The following ASPRV1 variants were observed in gnomAD, a reference collection of about 807,000 sequenced individuals.
The protein encoded by ASPRV1 is aspartic peptidase retroviral like 1.
ASPRV1 carries 7 observed loss-of-function variants against 11.0 expected under a neutral mutation model. The ratio of observed to expected loss-of-function variants is 0.64; its 90% confidence interval spans 0.36 to 1.20. The LOEUF is 1.20. Ranked by LOEUF, ASPRV1 falls within the 50% of genes most tolerant of loss-of-function variation. The probability of loss-of-function intolerance (pLI) is 0.02; values close to 1 mark genes in which losing one functional copy is unlikely to be tolerated. For missense variants in ASPRV1, 299 were observed against 320.0 expected (o/e 0.93, Z 0.50); for synonymous variants, 136 against 138.4 (o/e 0.98, Z 0.12).
the ASPRV1 span, chr2:69,943,010 T>A: frequency 6.6e-6 from 1 of 152,220 alleles, no homozygotes; most frequent in African/African-American, 2.4e-5. Context: ...CAGAACTGCG[T>A]TCATCAGATT....
the ASPRV1 span, among the ~76,000 whole-genome samples, chr2:70,068,592 A>C: frequency 1.3e-5 from 2 of 151,962 alleles, no homozygotes; most frequent in African/African-American, 4.8e-5. Context: ...AATAGAAAGG[A>C]GGTAAGGAAG....
At chr2:69,938,411 T>C in the ASPRV1 span, 7 of 929,608 alleles carry the variant, frequency 7.5e-6, no homozygotes, top group African/African-American at 1.2e-4. Context: ...AAAATCAGCT[T>C]TGTAACTGTT....
At chr2:69,947,598 C>A in the ASPRV1 span, among the ~76,000 whole-genome samples, 1 of 152,048 alleles carries the variant, frequency 6.6e-6, no homozygotes, top group African/African-American at 2.4e-5. Context: ...AAGTTACTTC[C>A]GATCCACCTT....
the ASPRV1 span, among the ~76,000 whole-genome samples, chr2:70,040,180 A>G: frequency 6.6e-6 from 1 of 152,184 alleles, no homozygotes; most frequent in African/African-American, 2.4e-5. Flanking sequence ...ACCAATAAAT[A>G]TAGATGGCAT....
At chr2:69,955,460 C>T (rs1015025481), downstream of ASPRV1, among the ~76,000 whole-genome samples, 7 of 152,242 alleles carry the variant, frequency 4.6e-5, no homozygotes, top group African/African-American at 1.7e-4. Flanking sequence ...CAATGGCCAC[C>T]CACACCTGGC....
the ASPRV1 span, among the ~76,000 whole-genome samples, chr2:69,994,656 T>A: frequency 1.9e-4 from 29 of 152,162 alleles, no homozygotes; most frequent in South Asian, 5.8e-3. Context: ...TGCTACTGGG[T>A]CATGAAATCA....
the ASPRV1 span, among the ~76,000 whole-genome samples, chr2:69,968,073 C>T: frequency 5.3e-5 from 8 of 151,894 alleles, no homozygotes; most frequent in African/African-American, 1.9e-4. Context: ...CAGAGCAAGA[C>T]TCTGTCTCAA....
At chr2:69,977,480 C>A in the ASPRV1 span, among the ~76,000 whole-genome samples, 100 of 152,272 alleles carry the variant, frequency 6.6e-4, no homozygotes, top group Non-Finnish European at 1.2e-3. Flanking sequence ...AAGGCAGGAA[C>A]CTCATGTTCC....
chr2:69,978,350 T>C, the ASPRV1 span, among the ~76,000 whole-genome samples: 33,093 of 152,108 alleles, frequency 0.22, 6,454 homozygotes, highest in African/African-American at 0.5. Context: ...AGTTGCCCCA[T>C]AGAGGGGACA....
the ASPRV1 span, among the ~76,000 whole-genome samples, chr2:69,946,245 G>A: frequency 6.6e-6 from 1 of 152,218 alleles, no homozygotes; most frequent in Non-Finnish European, 1.5e-5. Flanking sequence ...GAGACCAATA[G>A]GCTGGCCAAG....
chr2:70,030,513 T>C, the ASPRV1 span: 3 of 152,118 alleles, frequency 2.0e-5, no homozygotes, highest in Non-Finnish European at 2.9e-5. Flanking sequence ...TCCAGTTAAA[T>C]AGATTTTATA....
the ASPRV1 span, among the ~76,000 whole-genome samples, chr2:69,953,655 AAT>A: frequency 2.6e-5 from 4 of 152,218 alleles, no homozygotes; most frequent in Non-Finnish European, 5.9e-5. Context: ...GAATTTCTCA[AAT>A]GCCTGGCTGA....
the ASPRV1 span, chr2:70,011,694 C>G: frequency 6.6e-6 from 1 of 152,270 alleles, no homozygotes; most frequent in Non-Finnish European, 1.5e-5. Flanking sequence ...GGTGGAACCA[C>G]AAAACTGGAG....
the ASPRV1 span, chr2:69,935,580 G>T: frequency 1.4e-6 from 1 of 699,038 alleles, no homozygotes; most frequent in South Asian, 1.6e-5. Context: ...GCTATTGGAT[G>T]AATCACAGGT....
the ASPRV1 span, among the ~76,000 whole-genome samples, chr2:70,052,532 G>GT: frequency 4.6e-5 from 7 of 152,082 alleles, no homozygotes; most frequent in South Asian, 2.1e-4. Flanking sequence ...TATAAGCAGC[G>GT]TATCTGTTCA....
chr2:70,020,962 A>C, the ASPRV1 span, among the ~76,000 whole-genome samples: 1 of 152,314 alleles, frequency 6.6e-6, no homozygotes, highest in African/African-American at 2.4e-5. Flanking sequence ...AAATGTACTC[A>C]ATACTACTGA....
chr2:70,070,576 C>A, the ASPRV1 span: 2 of 152,062 alleles, frequency 1.3e-5, no homozygotes, highest in African/African-American at 4.8e-5. Context: ...GGCGGGCGAT[C>A]ATGAGGTCAG....
At chr2:70,086,541 G>C in the ASPRV1 span, 1 of 152,250 alleles carries the variant, frequency 6.6e-6, no homozygotes, top group Non-Finnish European at 1.5e-5. Context: ...TGGCGCAGTG[G>C]CTGCGCCCAT....
the ASPRV1 span, among the ~76,000 whole-genome samples, chr2:70,065,841 A>AG: frequency 1.4e-4 from 20 of 139,402 alleles, no homozygotes; most frequent in African/African-American, 5.7e-4. Context: ...AAAAAAAAAA[A>AG]AAAGAAAGAA....
Sources: allele counts gnomAD v4.1 joint callset (sites outside exome capture counted in the v4.1 genomes callset), GRCh38; gene constraint gnomAD v4.1.1; transcripts MANE v1.5; gene names NCBI Gene and HGNC (gene_info 2026-07-23, HGNC 2026-07-21).